The following ASTN2 variants were observed in gnomAD, a reference collection of about 807,000 sequenced individuals.
The protein encoded by ASTN2 is astrotactin 2, also known as astrotactin-2.
Under a neutral mutation model 139.8 loss-of-function variants are expected in ASTN2, and 54 were observed. That is an observed-to-expected ratio of 0.39 (90% CI 0.31 to 0.48). The LOEUF (loss-of-function observed/expected upper bound fraction) is 0.48. Ranked by LOEUF, ASTN2 falls within the 20% of genes least tolerant of loss-of-function variation. The pLI is 0.95. For missense variants in ASTN2, 1,565 were observed against 1,725.1 expected, an observed-to-expected ratio of 0.91 and a Z score of 1.64; for synonymous variants, 756 against 719.5, an observed-to-expected ratio of 1.05 and a Z score of -0.81.
At chr9:117,366,231 C>G (rs148180608) in intron 1 of ASTN2, among the ~76,000 whole-genome samples, 1 of 152,072 alleles carries the variant, frequency 6.6e-6, no homozygotes, top group Non-Finnish European at 1.5e-5. Context: ...TTAATACACT[C>G]AATGATCATG....
At chr9:117,180,604 T>C in intron 3 of ASTN2, 1 of 1,165,492 alleles carries the variant, frequency 8.6e-7, no homozygotes, top group Non-Finnish European at 1.2e-6. Flanking sequence ...CGAGCACCAT[T>C]CTAAACAACT....
rs76290055 is a variant in ASTN2 at position 116,821,551 on chromosome 9, T to C, written c.2041-768A>G. 3.9e-3 allele frequency among the ~76,000 whole-genome samples: 601 copies of C among 152,292 alleles called. 8 individuals are homozygous for C. The East Asian group carries it at 0.065, about 16-fold the overall frequency. On this transcript the variant is annotated intron_variant, in intron 11 of 22. Transcript: ENST00000313400. ...AGTCTGCTGGACTCCAGTCAGGCCTTCTCAAAACCATCCTCCAAATGGCCA... is the reference window on the plus strand; with the variant it reads ...AGTCTGCTGGACTCCAGTCAGGCCTCCTCAAAACCATCCTCCAAATGGCCA...
intron 15 of ASTN2, among the ~76,000 whole-genome samples, chr9:116,726,821 G>C (rs1190512829): frequency 6.6e-6 from 1 of 152,030 alleles, no homozygotes; most frequent in East Asian, 1.9e-4. Context: ...ATTCTTCCAG[G>C]GACATTCCTG....
intron 4 of ASTN2, among the ~76,000 whole-genome samples, chr9:117,108,438 AACACACACACAC>A (rs3041147): frequency 6.9e-6 from 1 of 145,234 alleles, no homozygotes; most frequent in Admixed American, 6.9e-5. Flanking sequence ...AACAAAACAA[AACACACACACAC>A]ACACACACAC....
chr9:116,644,109 T>C (rs1358879052), intron 17 of ASTN2, among the ~76,000 whole-genome samples: 2 of 152,024 alleles, frequency 1.3e-5, no homozygotes, highest in Admixed American at 1.3e-4. Context: ...GCGGTAGTGG[T>C]CATGGTTGTA....
chr9:117,301,155 G>A (rs150885212), intron 1 of ASTN2, among the ~76,000 whole-genome samples: 51 of 152,148 alleles, frequency 3.4e-4, no homozygotes, highest in South Asian at 2.1e-4. Context: ...ATTCTCTCCC[G>A]TACCATTTCC....
At chr9:117,359,211 G>A (rs1829629585) in intron 1 of ASTN2, among the ~76,000 whole-genome samples, 2 of 152,122 alleles carry the variant, frequency 1.3e-5, no homozygotes, top group African/African-American at 4.8e-5. Flanking sequence ...GCTTCAAACT[G>A]AGAACCTCAG....
chr9:117,091,682 G>A lies in ASTN2; in HGVS notation c.1276+4362C>T, dbSNP rs948457942. On this transcript the variant is annotated intron_variant, in intron 5 of 22. Transcript: ENST00000313400. ...GAGTGCTGGGGAAGAGGCCCCGGGG[G>A]AGAGGTGGAGTGGGGAGGGAAGGAG... 7.3e-4 allele frequency among the ~76,000 whole-genome samples: 111 copies of A among 152,104 alleles called. 2 individuals carry two copies. The highest frequency in any genetic ancestry group is 7.1e-3 in the Admixed American group (108 of 15,274).
intron 13 of ASTN2, among the ~76,000 whole-genome samples, chr9:116,780,232 G>A (rs1830182236): frequency 6.6e-6 from 1 of 152,180 alleles, no homozygotes; most frequent in Admixed American, 6.5e-5. Context: ...GAAGAGAACA[G>A]GAGGTTGAAA....
chr9:117,009,403 C>T (rs1837448562), intron 6 of ASTN2, among the ~76,000 whole-genome samples: 1 of 152,224 alleles, frequency 6.6e-6, no homozygotes, highest in Non-Finnish European at 1.5e-5. Flanking sequence ...TATACATACA[C>T]ACACACTTTT....
intron 19 of ASTN2, among the ~76,000 whole-genome samples, chr9:116,490,504 G>A (rs1214291630): frequency 6.6e-6 from 1 of 152,040 alleles, no homozygotes; most frequent in African/African-American, 2.4e-5. Context: ...GGATCTTCAT[G>A]AGTGTATTAG....
chr9:116,711,542 T>C (rs573345403), intron 16 of ASTN2, among the ~76,000 whole-genome samples: 1 of 152,228 alleles, frequency 6.6e-6, no homozygotes, highest in Non-Finnish European at 1.5e-5. Context: ...ACCAGATTGG[T>C]GTATACCCAG....
At chr9:116,495,844 A>G in intron 19 of ASTN2, among the ~76,000 whole-genome samples, 1 of 152,138 alleles carries the variant, frequency 6.6e-6, no homozygotes, top group South Asian at 2.1e-4. Context: ...TTCACGGGGT[A>G]TCTCCAGTGT....
intron 3 of ASTN2, among the ~76,000 whole-genome samples, chr9:117,151,227 C>A (rs369810556): frequency 6.6e-6 from 1 of 152,130 alleles, no homozygotes. Flanking sequence ...CATAGCAAAT[C>A]CAGATTTTCT....
At chr9:116,798,065 G>A (rs554439207) in intron 13 of ASTN2, among the ~76,000 whole-genome samples, 1 of 152,322 alleles carries the variant, frequency 6.6e-6, no homozygotes, top group East Asian at 1.9e-4. Flanking sequence ...GAGGCCAGGA[G>A]TTCAAGACCA....
At chr9:117,152,792 A>C (rs936342778) in intron 3 of ASTN2, among the ~76,000 whole-genome samples, 1 of 152,144 alleles carries the variant, frequency 6.6e-6, no homozygotes, top group Non-Finnish European at 1.5e-5. Context: ...TAAGAACTTG[A>C]AGTTCTCAGG....
At chr9:117,144,738 G>A (rs1325147947) in intron 3 of ASTN2, among the ~76,000 whole-genome samples, 1 of 136,362 alleles carries the variant, frequency 7.3e-6, no homozygotes, top group African/African-American at 2.8e-5. Flanking sequence ...CTGGAGTGCA[G>A]TGGCGTGATC....
chr9:116,522,126 G>A (rs1850902984), intron 19 of ASTN2, among the ~76,000 whole-genome samples: 1 of 152,086 alleles, frequency 6.6e-6, no homozygotes, highest in South Asian at 2.1e-4. Flanking sequence ...AGAACTAAAG[G>A]TAGATCTACT....
At chr9:116,998,263 C>CT (rs1837078774) in intron 7 of ASTN2, among the ~76,000 whole-genome samples, 1 of 152,038 alleles carries the variant, frequency 6.6e-6, no homozygotes, top group Admixed American at 6.6e-5. Context: ...TGGAGGATAT[C>CT]CCCAGTTGAG....
Sources: gnomAD v4.1 joint callset for allele counts (sites outside exome capture counted in the v4.1 genomes callset) on GRCh38, gnomAD v4.1.1 for gene constraint, MANE v1.5 for transcripts, NCBI Gene and HGNC (gene_info 2026-07-23, HGNC 2026-07-21) for gene names.